KATNAL2: variants seen among roughly 807,000 people sequenced by gnomAD.
KATNAL2 encodes katanin p60 ATPase-containing subunit A-like 2.
KATNAL2 carries 52 observed loss-of-function variants against 76.3 expected under a neutral mutation model. The ratio of observed to expected loss-of-function variants is 0.68; its 90% CI spans 0.55 to 0.86. KATNAL2 has a LOEUF of 0.86. KATNAL2 is among the 40% of genes least tolerant of loss of function. KATNAL2 has a pLI of 0.00. For missense variants in KATNAL2, 660 were observed against 668.9 expected (o/e 0.99, Z 0.15); for synonymous variants, 243 against 244.2 (o/e 1.00, Z 0.05).
chr18:47,045,567 T>A (rs1005623542), intron 3 of KATNAL2, among the ~76,000 whole-genome samples: 4 of 152,126 alleles, frequency 2.6e-5, no homozygotes, highest in Non-Finnish European at 5.9e-5. Context: ...AAGTGATCCA[T>A]CCGCCTTGGT....
intron 3 of KATNAL2, chr18:47,035,482 T>C (rs2060730322): frequency 1.0e-6 from 1 of 989,696 alleles, no homozygotes; most frequent in Admixed American, 2.9e-5. Flanking sequence ...GGCCCGCTTT[T>C]GTTCCTCGGG....
intron 1 of KATNAL2, among the ~76,000 whole-genome samples, chr18:46,933,321 T>C (rs921473745): frequency 6.6e-6 from 1 of 152,152 alleles, no homozygotes; most frequent in African/African-American, 2.4e-5. Flanking sequence ...AAAGGCAAAA[T>C]TGACAAACTG....
At chr18:47,084,989 C>A (rs1003287520) in intron 15 of KATNAL2, among the ~76,000 whole-genome samples, 3 of 151,876 alleles carry the variant, frequency 2.0e-5, no homozygotes, top group African/African-American at 7.3e-5. Flanking sequence ...CTGTAGGTCA[C>A]CTTCAGGGGT....
At chr18:47,041,171 G>A (rs989113383) in intron 3 of KATNAL2, among the ~76,000 whole-genome samples, 2 of 152,142 alleles carry the variant, frequency 1.3e-5, no homozygotes, top group African/African-American at 2.4e-5. Context: ...AAATACAGTG[G>A]TATGTTGTTA....
chr18:46,924,097 A>G (rs1031863243), intron 1 of KATNAL2, among the ~76,000 whole-genome samples: 11 of 152,140 alleles, frequency 7.2e-5, no homozygotes, highest in African/African-American at 1.4e-4. Context: ...CCATTTGTCA[A>G]TTTTGGCTTT....
At position 47,077,374 on chromosome 18, in the gene KATNAL2, G is replaced by A. The variant is rs751573875; in HGVS notation, c.1124G>A (p.Arg375Gln). Residue 375 changes from arginine (R) to glutamine (Q), a missense_variant, in exon 15 of 18, where the codon CGG becomes CAG. By Grantham distance (43) the Arg-to-Gln change is conservative. Transcript: ENST00000683218. ...AGGGGAGAACATGAAGGAAGCCTGC[G>A]GATGAAGACAGAGTTACTGGTGCAG... ...ASGGEHEGSL[R>Q]MKTELLVQMD... 3.2e-5 allele frequency: 52 copies of A among 1,613,688 alleles called. No homozygotes were observed. The highest frequency in any genetic ancestry group is 5.5e-5 in the South Asian group (5 of 91,078).
At chr18:47,039,268 A>T (rs1160224920) in intron 3 of KATNAL2, among the ~76,000 whole-genome samples, 1 of 152,184 alleles carries the variant, frequency 6.6e-6, no homozygotes, top group Non-Finnish European at 1.5e-5. Context: ...ACCATTTAAA[A>T]TGTACAATTC....
chr18:47,025,569 C>T (rs1186947130), intron 3 of KATNAL2, among the ~76,000 whole-genome samples: 2 of 151,484 alleles, frequency 1.3e-5, no homozygotes, highest in African/African-American at 2.4e-5. Context: ...GAAAGATAAT[C>T]GTTATAGCCT....
intron 3 of KATNAL2, among the ~76,000 whole-genome samples, chr18:46,949,339 G>A (rs184038731): frequency 1.0e-3 from 152 of 151,896 alleles, no homozygotes; most frequent in African/African-American, 3.6e-3. Flanking sequence ...TGCAACCTCC[G>A]TCTCCCAGGC....
At chr18:46,927,305 G>C (rs2058758593) in intron 1 of KATNAL2, among the ~76,000 whole-genome samples, 1 of 152,062 alleles carries the variant, frequency 6.6e-6, no homozygotes, top group South Asian at 2.1e-4. Flanking sequence ...CTCAGCATCT[G>C]CTTGTCTGTA....
chr18:47,066,751 C>T (rs8097455), intron 10 of KATNAL2, among the ~76,000 whole-genome samples: 84,885 of 147,644 alleles, frequency 0.57, 24,367 homozygotes, highest in Middle Eastern at 0.61. Context: ...AAAAATACCA[C>T]AATGTGTTAT....
At chr18:47,088,605 G>T (rs935571164) in intron 15 of KATNAL2, among the ~76,000 whole-genome samples, 1 of 151,898 alleles carries the variant, frequency 6.6e-6, no homozygotes, top group Non-Finnish European at 1.5e-5. Flanking sequence ...TGAGAGGGGG[G>T]TCTCACTCTG....
At chr18:47,091,690 A>G (rs973163966) in intron 15 of KATNAL2, among the ~76,000 whole-genome samples, 1 of 152,190 alleles carries the variant, frequency 6.6e-6, no homozygotes, top group Non-Finnish European at 1.5e-5. Context: ...TTAGCTAATC[A>G]ATACAGACAT....
chr18:47,078,198 A>G (rs1170932466), intron 15 of KATNAL2, among the ~76,000 whole-genome samples: 1 of 151,900 alleles, frequency 6.6e-6, no homozygotes, highest in East Asian at 1.9e-4. Context: ...AACATCAACA[A>G]CTCTTGTAGC....
chr18:46,946,584 A>G (rs1217820059), intron 2 of KATNAL2, 38 bp downstream of exon 2: 8 of 985,024 alleles, frequency 8.1e-6, no homozygotes, highest in Non-Finnish European at 6.0e-6. Flanking sequence ...TTAGAAACGA[A>G]TTAAGAAAAC....
chr18:46,921,981 A>G (rs1267231555), intron 1 of KATNAL2, among the ~76,000 whole-genome samples: 1 of 152,018 alleles, frequency 6.6e-6, no homozygotes, highest in Non-Finnish European at 1.5e-5. Flanking sequence ...CTAAGCATAT[A>G]TCTATTTATA....
At chr18:47,051,977 T>A (rs1449911275) in intron 4 of KATNAL2, among the ~76,000 whole-genome samples, 1 of 152,208 alleles carries the variant, frequency 6.6e-6, no homozygotes, top group Non-Finnish European at 1.5e-5. Context: ...GGATCTAGAT[T>A]CAAATGAAAC....
At chr18:46,949,539 G>T (rs1408530086) in intron 3 of KATNAL2, among the ~76,000 whole-genome samples, 1 of 152,212 alleles carries the variant, frequency 6.6e-6, no homozygotes, top group Non-Finnish European at 1.5e-5. Context: ...GAGCCTTCGT[G>T]TCTGGCTTAA....
chr18:46,934,129 G>A (rs1462855016), intron 1 of KATNAL2, among the ~76,000 whole-genome samples: 1 of 152,092 alleles, frequency 6.6e-6, no homozygotes, highest in Non-Finnish European at 1.5e-5. Context: ...TGTCTTTATA[G>A]CAGCATGATT....
Sources: allele counts gnomAD v4.1 joint callset (sites outside exome capture counted in the v4.1 genomes callset), GRCh38; gene constraint gnomAD v4.1.1; transcripts MANE v1.5; gene names NCBI Gene and HGNC (gene_info 2026-07-23, HGNC 2026-07-21).